CEP112: variants seen among roughly 807,000 people sequenced by gnomAD.
CEP112 encodes the protein centrosomal protein 112, also known as centrosomal protein of 112 kDa.
CEP112 carries 127 observed loss-of-function variants against 153.0 expected under a neutral mutation model. The ratio of observed to expected loss-of-function variants is 0.83; its 90% CI spans 0.72 to 0.96. The LOEUF (loss-of-function observed/expected upper bound fraction) is 0.96, where lower values mean the gene tolerates loss of function less well. Among genes scored for constraint, CEP112 ranks in the 40% least tolerant of loss-of-function variants. CEP112 has a pLI of 0.00. For missense variants in CEP112, 1,089 were observed against 1,101.2 expected, an observed-to-expected ratio of 0.99 and a Z score of 0.16; for synonymous variants, 358 against 374.4, an observed-to-expected ratio of 0.96 and a Z score of 0.51.
chr17:65,918,955 A>G (rs558693316), intron 19 of CEP112, among the ~76,000 whole-genome samples: 18 of 152,360 alleles, frequency 1.2e-4, no homozygotes, highest in Admixed American at 6.5e-4. Context: ...AAGGAAACTG[A>G]GGCCCAGAGG....
At chr17:65,747,668 T>G (rs972954662) in intron 22 of CEP112, among the ~76,000 whole-genome samples, 11 of 152,178 alleles carry the variant, frequency 7.2e-5, no homozygotes, top group African/African-American at 2.6e-4. Flanking sequence ...AAAAAAAATG[T>G]GATTCTGATG....
chr17:65,712,184 T>A (rs544439098), intron 23 of CEP112, among the ~76,000 whole-genome samples: 1 of 152,136 alleles, frequency 6.6e-6, no homozygotes, highest in Non-Finnish European at 1.5e-5. Context: ...ATTTAATGGA[T>A]AGGTACTTGA....
At chr17:65,676,977 G>T (rs1456184391) in intron 24 of CEP112, among the ~76,000 whole-genome samples, 1 of 152,130 alleles carries the variant, frequency 6.6e-6, no homozygotes, top group Non-Finnish European at 1.5e-5. Context: ...CTAAGAAACA[G>T]GACAAGCATC....
rs2061543591 is a variant in CEP112 at position 65,942,804 on chromosome 17, C to T, written c.1873-15115G>A. 2.0e-5 allele frequency among the ~76,000 whole-genome samples: 3 copies of T among 152,154 alleles called. No homozygotes were observed. In the South Asian group the frequency reaches 6.2e-4, roughly 32 times the overall value. On this transcript the variant is annotated intron_variant, in intron 18 of 26. Transcript: ENST00000535342. ...GAATGTATATTGGATGAGCATCTGG[C>T]AGTCTCCATCAGATACAGTCATAAT...
intron 24 of CEP112, among the ~76,000 whole-genome samples, chr17:65,664,035 G>T (rs561174183): frequency 1.3e-5 from 2 of 152,246 alleles, no homozygotes; most frequent in East Asian, 3.9e-4. Flanking sequence ...GACAGAGCAA[G>T]ACTCTGTCTC....
At chr17:66,024,766 A>G (rs1222296975) in intron 16 of CEP112, among the ~76,000 whole-genome samples, 1 of 152,140 alleles carries the variant, frequency 6.6e-6, no homozygotes, top group Admixed American at 6.5e-5. Flanking sequence ...AAATACCAAT[A>G]TAATTTTTCT....
intron 8 of CEP112, among the ~76,000 whole-genome samples, chr17:66,087,535 CCAGGATTATA>C (rs1026952355): frequency 1.3e-5 from 2 of 152,038 alleles, no homozygotes; most frequent in African/African-American, 2.4e-5. Flanking sequence ...TTTTGTAACA[CCAGGATTATA>C]CAAGAAAGAA....
intron 16 of CEP112, among the ~76,000 whole-genome samples, chr17:66,019,215 T>C (rs2064894944): frequency 6.6e-6 from 1 of 152,168 alleles, no homozygotes; most frequent in Non-Finnish European, 1.5e-5. Context: ...CAGGATAAAA[T>C]AATGTCATTC....
At chr17:65,656,641 G>T (rs918578892) in intron 24 of CEP112, among the ~76,000 whole-genome samples, 1 of 152,138 alleles carries the variant, frequency 6.6e-6, no homozygotes, top group Non-Finnish European at 1.5e-5. Flanking sequence ...TCTTGACAGA[G>T]ACCTTATAGC....
intron 21 of CEP112, among the ~76,000 whole-genome samples, chr17:65,789,126 T>A (rs187590652): frequency 1.2e-4 from 18 of 152,326 alleles, no homozygotes; most frequent in Admixed American, 3.9e-4. Context: ...CTCAACTAAC[T>A]GAACTCGATC....
chr17:65,828,082 A>AG (rs1358973208), intron 21 of CEP112, among the ~76,000 whole-genome samples: 1 of 152,206 alleles, frequency 6.6e-6, no homozygotes, highest in African/African-American at 2.4e-5. Context: ...ATGAGCTCTG[A>AG]GGGGACAGGA....
Position 66,096,264 on chromosome 17 carries a change from A to T in CEP112, c.755T>A (p.Ile252Lys), listed in dbSNP as rs747747184. ...SFHDDHFLSRIREKELDMKTK... is the reference protein window; with the variant it reads ...SFHDDHFLSRKREKELDMKTK... ...TCTCATTCCTACCTCTTTCTCACGT[A>T]TTCGAGAGAGAAAATGATCATCATG... The change falls in exon 8 of 27, where the codon ATA becomes AAA. Residue 252 changes from isoleucine to lysine, a missense_variant. Ile to Lys is a moderately radical substitution (Grantham distance 102). Coordinates refer to ENST00000535342, the MANE Select transcript of CEP112 (RefSeq NM_001199165.4). 112 of 1,611,354 alleles carry T rather than the reference A, an allele frequency of 7.0e-5. No homozygotes were observed. The highest frequency in any genetic ancestry group is 9.2e-5 in the Non-Finnish European group (108 of 1,178,122).
chr17:65,705,488 G>A (rs866443243), intron 23 of CEP112, among the ~76,000 whole-genome samples: 1 of 152,146 alleles, frequency 6.6e-6, no homozygotes, highest in East Asian at 1.9e-4. Flanking sequence ...CACCTTTTAC[G>A]GCACTTACAT....
chr17:66,125,762 AAAG>A (rs2069818741), intron 6 of CEP112, among the ~76,000 whole-genome samples: 1 of 152,092 alleles, frequency 6.6e-6, no homozygotes, highest in Non-Finnish European at 1.5e-5. Flanking sequence ...AAGAAGAGAA[AAAG>A]AAGAGAAAGG....
chr17:65,884,849 C>A (rs1428729468), intron 20 of CEP112, among the ~76,000 whole-genome samples: 1 of 151,630 alleles, frequency 6.6e-6, no homozygotes, highest in African/African-American at 2.4e-5. Context: ...TCCTGAGTAG[C>A]TGGGATTACA....
intron 20 of CEP112, among the ~76,000 whole-genome samples, chr17:65,887,484 T>C (rs73344895): frequency 0.01 from 1,532 of 152,318 alleles, 32 homozygotes; most frequent in African/African-American, 0.035. Context: ...CAATAGATTT[T>C]AAGTACTGTC....
At chr17:65,755,029 C>T (rs539427122) in intron 21 of CEP112, among the ~76,000 whole-genome samples, 5 of 151,806 alleles carry the variant, frequency 3.3e-5, no homozygotes, top group African/African-American at 7.2e-5. Context: ...CCATGGCACA[C>T]GTTTACTATG....
At chr17:65,926,248 G>T (rs1446161044) in intron 19 of CEP112, among the ~76,000 whole-genome samples, 3 of 152,118 alleles carry the variant, frequency 2.0e-5, no homozygotes, top group African/African-American at 7.2e-5. Flanking sequence ...TGAACGTGCA[G>T]TTCCCTCAGA....
At chr17:65,745,504 G>A (rs1209956456) in intron 22 of CEP112, among the ~76,000 whole-genome samples, 1 of 152,186 alleles carries the variant, frequency 6.6e-6, no homozygotes, top group East Asian at 1.9e-4. Flanking sequence ...AAAAGAGTCA[G>A]ATTTCCTTGG....
Sources: gnomAD v4.1 joint callset for allele counts (sites outside exome capture counted in the v4.1 genomes callset) on GRCh38, gnomAD v4.1.1 for gene constraint, MANE v1.5 for transcripts, NCBI Gene and HGNC (gene_info 2026-07-23, HGNC 2026-07-21) for gene names.